The following ZPBP variants were observed in gnomAD, a reference collection of about 807,000 sequenced individuals.
ZPBP encodes zona pellucida binding protein.
A neutral mutation model predicts 44.8 loss-of-function variants in ZPBP; 26 were observed. The ratio of observed to expected loss-of-function variants is 0.58; its 90% confidence interval spans 0.43 to 0.81. The LOEUF (loss-of-function observed/expected upper bound fraction) is 0.81, where lower values mean the gene tolerates loss of function less well. Ranked by LOEUF, ZPBP falls within the 30% of genes least tolerant of loss-of-function variation. The pLI is 0.00. For synonymous variants in ZPBP, 174 were observed against 153.2 expected, an observed-to-expected ratio of 1.14 and a Z score of -1.00; for missense variants, 409 against 434.0, an observed-to-expected ratio of 0.94 and a Z score of 0.51.
chr7:50,006,594 G>T (rs531117136), intron 6 of ZPBP, among the ~76,000 whole-genome samples: 2 of 152,088 alleles, frequency 1.3e-5, no homozygotes, highest in African/African-American at 4.8e-5. Context: ...AGCTATAAAT[G>T]CTTACACAAG....
downstream of ZPBP, among the ~76,000 whole-genome samples, chr7:49,934,005 A>G (rs1387432731): frequency 6.6e-6 from 1 of 151,834 alleles, no homozygotes; most frequent in African/African-American, 2.4e-5. Flanking sequence ...ATACATATGT[A>G]ACAAACCTAC....
intron 1 of ZPBP, among the ~76,000 whole-genome samples, chr7:49,910,108 T>C (rs1583817711): frequency 6.6e-6 from 1 of 151,822 alleles, no homozygotes; most frequent in East Asian, 1.9e-4. Context: ...CAATACCCTG[T>C]CTCAAACACA....
At chr7:50,010,390 G>A (rs911631494) in intron 6 of ZPBP, among the ~76,000 whole-genome samples, 1 of 151,892 alleles carries the variant, frequency 6.6e-6, no homozygotes, top group Non-Finnish European at 1.5e-5. Context: ...TTGAACAAAT[G>A]ATTTTGGAAC....
chr7:49,849,433 G>A (rs908359781), downstream of ZPBP, among the ~76,000 whole-genome samples: 2 of 152,218 alleles, frequency 1.3e-5, no homozygotes, highest in Non-Finnish European at 2.9e-5. Flanking sequence ...CAGCTCTGCT[G>A]GGAGCAGACT....
At chr7:50,067,584 T>C (rs1801581916) in intron 3 of ZPBP, among the ~76,000 whole-genome samples, 1 of 152,166 alleles carries the variant, frequency 6.6e-6, no homozygotes, top group Non-Finnish European at 1.5e-5. Context: ...ATCAGTAAAA[T>C]ATTCAATGTC....
intron 2 of ZPBP, among the ~76,000 whole-genome samples, chr7:50,088,795 C>T (rs983413810): frequency 6.7e-6 from 1 of 148,876 alleles, no homozygotes; most frequent in Non-Finnish European, 1.5e-5. Flanking sequence ...AACCCTCATA[C>T]ATTGCTGGTG....
chr7:49,890,115 TC>T (rs1792068189), intron 2 of ZPBP, among the ~76,000 whole-genome samples: 1 of 152,148 alleles, frequency 6.6e-6, no homozygotes, highest in African/African-American at 2.4e-5. Context: ...CCCATACATC[TC>T]CTTTAGGAAC....
At chr7:50,082,703 A>G (rs1325900363) in intron 2 of ZPBP, among the ~76,000 whole-genome samples, 1 of 151,814 alleles carries the variant, frequency 6.6e-6, no homozygotes, top group Non-Finnish European at 1.5e-5. Flanking sequence ...TATTGAATGT[A>G]CTTTTAGGTA....
At chr7:49,950,413 T>C (rs537695322) in intron 7 of ZPBP, among the ~76,000 whole-genome samples, 2 of 151,992 alleles carry the variant, frequency 1.3e-5, no homozygotes, top group East Asian at 3.9e-4. Flanking sequence ...ATCTCAACCA[T>C]GACAATTTTA....
chr7:49,957,367 C>T (rs1255171526), intron 7 of ZPBP, among the ~76,000 whole-genome samples: 1 of 152,166 alleles, frequency 6.6e-6, no homozygotes. Context: ...GCATCACAGG[C>T]CCAGAGTGCC....
intron 2 of ZPBP, among the ~76,000 whole-genome samples, chr7:49,887,020 C>CT (rs1791933826): frequency 6.6e-6 from 1 of 151,758 alleles, no homozygotes. Context: ...ATTTTAAGTA[C>CT]TTTTTTGCAG....
chr7:50,063,569 G>C (rs1801355058), intron 3 of ZPBP, among the ~76,000 whole-genome samples: 1 of 152,108 alleles, frequency 6.6e-6, no homozygotes, highest in South Asian at 2.1e-4. Context: ...CTACCAGTGA[G>C]GGTTTTGAAT....
In ZPBP at chr7:50,031,175, T is replaced by G. The variant is rs1799589743; in HGVS notation, c.623A>C (p.Glu208Ala). The change falls in exon 5 of 8, where the codon GAA (glutamate) becomes GCA (alanine). Residue 208 changes from glutamate to alanine, a missense_variant. By Grantham distance (107) the Glu-to-Ala change is moderately radical. Transcript: ENST00000046087. ...LSKLLLDLSCEISLLKSECHR... is the reference protein window; with the variant it reads ...LSKLLLDLSCAISLLKSECHR... ...GCATTCAGACTTAAGTAAGGAAATTTCACATGAAAGGTCAAGAAGCAGTTT... is the reference window on the plus strand; with the variant it reads ...GCATTCAGACTTAAGTAAGGAAATTGCACATGAAAGGTCAAGAAGCAGTTT... The G allele has an allele frequency of 1.2e-6, 2 of 1,613,794 alleles. No individual in the cohort carries two copies. Among genetic ancestry groups the G allele is most frequent in the Admixed American group, 3.3e-5 (2 of 60,002 alleles).
intron 2 of ZPBP, among the ~76,000 whole-genome samples, chr7:49,852,270 G>A (rs1276122028): frequency 6.6e-6 from 1 of 152,198 alleles, no homozygotes. Context: ...AGCATCAGGG[G>A]GTCATGGTGG....
chr7:50,003,981 C>T (rs975024212), intron 6 of ZPBP, among the ~76,000 whole-genome samples: 1 of 152,018 alleles, frequency 6.6e-6, no homozygotes, highest in Admixed American at 6.6e-5. Flanking sequence ...ATCAGGAAAG[C>T]AGTTTATGAA....
At chr7:50,009,371 T>C (rs1274140273) in intron 6 of ZPBP, among the ~76,000 whole-genome samples, 1 of 151,980 alleles carries the variant, frequency 6.6e-6, no homozygotes, top group African/African-American at 2.4e-5. Context: ...GCAGTGAACC[T>C]GCCACAAGTT....
the ZPBP span, among the ~76,000 whole-genome samples, chr7:49,844,661 C>T: frequency 6.6e-6 from 1 of 152,148 alleles, no homozygotes; most frequent in Non-Finnish European, 1.5e-5. Flanking sequence ...ACGTAGCAGC[C>T]ACATTACCTT....
intron 5 of ZPBP, among the ~76,000 whole-genome samples, chr7:50,026,604 C>A (rs1601033): frequency 6.6e-6 from 1 of 151,540 alleles, no homozygotes; most frequent in Non-Finnish European, 1.5e-5. Context: ...AAAATAGATG[C>A]CCCTTTATCA....
rs746125763 is a variant in ZPBP at position 50,089,674 on chromosome 7, A to G, written c.163T>C (p.Leu55=). ...HLVRLPRAFR[L]TKDSVKIVGS... ...ACTATTTTCACTGAATCTTTGGTCA[A>G]GCGAAAAGCTCTTGGTAATCGAACC... The change falls in exon 2 of 8, where the codon TTG becomes CTG. Residue 55 remains leucine, a synonymous_variant. Transcript: ENST00000046087. 1 of 1,611,856 alleles carries G rather than the reference A, an allele frequency of 6.2e-7. No homozygotes were observed. Among genetic ancestry groups the G allele is most frequent in the Admixed American group, 1.7e-5 (1 of 59,910 alleles).
Sources: gnomAD v4.1 joint callset for allele counts (sites outside exome capture counted in the v4.1 genomes callset) on GRCh38, gnomAD v4.1.1 for gene constraint, MANE v1.5 for transcripts, NCBI Gene and HGNC (gene_info 2026-07-23, HGNC 2026-07-21) for gene names.